Variants in MYCBP2 observed in about 807,000 individuals in gnomAD.
MYCBP2 encodes the protein E3 ubiquitin-protein ligase MYCBP2.
In MYCBP2, 120 loss-of-function variants were observed where a neutral mutation model predicts 525.3. The ratio of observed to expected loss-of-function variants is 0.23; its 90% CI spans 0.20 to 0.27. MYCBP2 has a LOEUF of 0.27. Ranked by LOEUF, MYCBP2 falls within the 10% of genes least tolerant of loss-of-function variation. The pLI is 1.00. For missense variants in MYCBP2, 4,149 were observed against 5,657.1 expected (o/e 0.73, Z 8.55); for synonymous variants, 1,894 against 1,955.8 (o/e 0.97, Z 0.83).
At chr13:77,129,288 T>A (rs2052295852) in intron 52 of MYCBP2, 1 of 396,270 alleles carries the variant, frequency 2.5e-6, no homozygotes, top group Non-Finnish European at 4.5e-6. Flanking sequence ...CAGGATATCA[T>A]CTGCAGAAGA....
intron 55 of MYCBP2, among the ~76,000 whole-genome samples, chr13:77,108,500 C>T (rs550532893): frequency 6.6e-6 from 1 of 152,274 alleles, no homozygotes; most frequent in African/African-American, 2.4e-5. Context: ...AAAAATCTTA[C>T]TCCCACAAGT....
rs761785205 is a variant in MYCBP2 at position 77,326,444 on chromosome 13, G to A, written c.302+30C>T. The A allele has an allele frequency of 5.3e-6, 8 of 1,518,914 alleles. No individual in the cohort carries two copies. Among genetic ancestry groups the A allele is most frequent in the Non-Finnish European group, 7.0e-6 (8 of 1,139,078 alleles). The allele number at this position is 1,518,914 out of a possible 1,614,324, so 94.1% of individuals were successfully genotyped here. A position where few individuals can be genotyped will look rare whatever the true frequency, so the allele number is the denominator to read the frequency against. On this transcript the variant is annotated intron_variant, in intron 1 of 82. Transcript: ENST00000544440. The surrounding 1 kb of genome is among the most constrained non-coding windows in gnomAD (Gnocchi z 4.2). ...TGGGGCGCAAGGAAGGGCGGCATGG[G>A]GCGCAAGGAAGGGCACCCTGGGGAC...
chr13:77,255,408 C>A (rs534568368), intron 14 of MYCBP2, among the ~76,000 whole-genome samples: 1 of 151,814 alleles, frequency 6.6e-6, no homozygotes, highest in Non-Finnish European at 1.5e-5. Flanking sequence ...TTGATTATTA[C>A]AAAATGTCAC....
rs779795548 is a variant in MYCBP2 at position 77,098,254 on chromosome 13, A to G, written c.8900T>C (p.Val2967Ala). ...FKSVDEGSNK[V>A]HFSIGKAPLK... ...TGGTGCTTTTCCAATGCTAAAATGAACTTTATTTGAACCTTCATCCACACT... is the reference window on the plus strand; with the variant it reads ...TGGTGCTTTTCCAATGCTAAAATGAGCTTTATTTGAACCTTCATCCACACT... The change falls in exon 56 of 83, where the codon GTT becomes GCT. Residue 2967 changes from valine to alanine, a missense_variant. By Grantham distance (64) the Val-to-Ala change is moderately conservative. Around this residue, in one of 21 missense-constraint regions of MYCBP2, gnomAD observed 653 missense variants for 744.7 expected, o/e 0.88. Transcript: ENST00000544440. The G allele has an allele frequency of 6.2e-7, 1 of 1,612,858 alleles. No individual in the cohort carries two copies. The highest frequency in any genetic ancestry group is 1.3e-5 in the African/African-American group (1 of 74,852).
chr13:77,200,100 C>T (rs201784495), intron 26 of MYCBP2, among the ~76,000 whole-genome samples: 66 of 151,712 alleles, frequency 4.4e-4, no homozygotes, highest in Middle Eastern at 3.2e-3. Flanking sequence ...CTCTGAGCTA[C>T]GGGAGGACAT....
At chr13:77,194,360 A>C in intron 26 of MYCBP2, 116 bp from the exon 27 acceptor site, 1 of 678,090 alleles carries the variant, frequency 1.5e-6, no homozygotes, top group East Asian at 2.6e-5. Flanking sequence ...AATGTAAAAA[A>C]TCAGAGTACC....
chr13:77,186,357 AC>A (rs1371912579), intron 30 of MYCBP2, among the ~76,000 whole-genome samples: 1 of 152,208 alleles, frequency 6.6e-6, no homozygotes, highest in Non-Finnish European at 1.5e-5. Context: ...TGTTCCTGCT[AC>A]CCAGCTATCT....
chr13:77,269,843 T>C (rs1049900720), intron 7 of MYCBP2, 149 bp downstream of exon 7: 1 of 642,348 alleles, frequency 1.6e-6, no homozygotes, highest in Admixed American at 3.0e-5. Flanking sequence ...CAGTGTTCTT[T>C]ACGCTACACT....
In MYCBP2 at chr13:77,243,955, G is replaced by C; in HGVS notation, c.2382-4C>G. 3 of 1,473,710 alleles carry C rather than the reference G, an allele frequency of 2.0e-6. No homozygotes were observed. The highest frequency in any genetic ancestry group is 4.9e-5 in the East Asian group (2 of 41,000). The allele number at this position is 1,473,710 out of a possible 1,614,324, so 91.3% of individuals were successfully genotyped here. A position where few individuals can be genotyped will look rare whatever the true frequency, so the allele number is the denominator to read the frequency against. ...TCCGGAACCACAACCACAGATCCTA[G>C]GGGGAAATACAAAAAAAAAAAAAAA... On this transcript the variant is annotated splice_region_variant and splice_polypyrimidine_tract_variant and intron_variant, in intron 15 of 82. Coordinates refer to ENST00000544440, the MANE Select transcript of MYCBP2 (RefSeq NM_015057.5).
chr13:77,327,052 C>A lies in MYCBP2; in HGVS notation c.-277G>T, dbSNP rs1424656976. On this transcript the variant is annotated 5_prime_UTR_variant, in exon 1 of 83. Coordinates refer to ENST00000544440, the MANE Select transcript of MYCBP2 (RefSeq NM_015057.5). ...GCCGCCACTGCCGCCGCCACCACCG[C>A]TACCACCGCCACCACCGCCGGGGCT... 6 of 438,774 alleles carry A rather than the reference C, an allele frequency of 1.4e-5. No individual in the cohort carries two copies. The highest frequency in any genetic ancestry group is 4.4e-5 in the Admixed American group (1 of 22,868). The allele number at this position is 438,774 out of a possible 1,614,324, so 27.2% of individuals were successfully genotyped here. A position where few individuals can be genotyped will look rare whatever the true frequency, so the allele number is the denominator to read the frequency against.
intron 52 of MYCBP2, among the ~76,000 whole-genome samples, chr13:77,131,882 CCAA>C (rs1251582677): frequency 6.6e-6 from 1 of 151,996 alleles, no homozygotes; most frequent in Non-Finnish European, 1.5e-5. Context: ...AGAAAAGAGA[CCAA>C]CAAGTGAATA....
chr13:77,242,139 G>C (rs1007679685), intron 17 of MYCBP2, among the ~76,000 whole-genome samples: 4 of 152,030 alleles, frequency 2.6e-5, no homozygotes, highest in Middle Eastern at 3.2e-3. Flanking sequence ...TTTTGAGATG[G>C]AGTCTCACTC....
chr13:77,165,276 A>T lies in MYCBP2; in HGVS notation c.6456T>A (p.Asp2152Glu), dbSNP rs376279711. 8 of 1,596,892 alleles carry T rather than the reference A, an allele frequency of 5.0e-6. No individual in the cohort carries two copies. Among genetic ancestry groups the T allele is most frequent in the Non-Finnish European group, 6.0e-6 (7 of 1,167,642 alleles). Residue 2152 changes from aspartate to glutamate, a missense_variant, in exon 42 of 83, where the codon GAT becomes GAA. By Grantham distance (45) the Asp-to-Glu change is conservative (BLOSUM62 2). Around this residue, in one of 21 missense-constraint regions of MYCBP2, gnomAD observed 692 missense variants for 852.7 expected, o/e 0.81. Transcript: ENST00000544440. ...AIGYEFSPGP[D>E]EGVIQLEKEL... is the part of the protein sequence containing the mutation. ...TGAAAAGATAATTCATTCTTACCTC[A>T]TCAGGTCCAGGGCTAAATTCATATC...
chr13:77,270,238 C>A, intron 6 of MYCBP2, 58 bp downstream of exon 6: 1 of 1,535,514 alleles, frequency 6.5e-7, no homozygotes, highest in Non-Finnish European at 8.8e-7. Flanking sequence ...ACACACAGAA[C>A]ACAATTCATT....
chr13:77,249,094 G>A (rs1022572012), intron 15 of MYCBP2, among the ~76,000 whole-genome samples: 5 of 152,182 alleles, frequency 3.3e-5, no homozygotes, highest in Non-Finnish European at 7.4e-5. Flanking sequence ...CAAGAATAGT[G>A]GATGCCAGAG....
chr13:77,250,532 T>C (rs984225404), intron 15 of MYCBP2, among the ~76,000 whole-genome samples: 1 of 152,138 alleles, frequency 6.6e-6, no homozygotes, highest in Admixed American at 6.5e-5. Context: ...ATGTAGAAAA[T>C]AGATTCAAAA....
At chr13:77,057,691 A>G (rs2038398735) in intron 78 of MYCBP2, among the ~76,000 whole-genome samples, 1 of 152,158 alleles carries the variant, frequency 6.6e-6, no homozygotes, top group African/African-American at 2.4e-5. Flanking sequence ...ACAGAGGTTC[A>G]CACAAATCAC....
rs1284812544 is a variant in MYCBP2 at position 77,136,782 on chromosome 13, C to T, written c.7659+2414G>A. Among the ~76,000 whole-genome samples the T allele has an allele frequency of 2.0e-5, 3 of 152,132 alleles. No homozygotes were observed. The East Asian group carries it at 5.8e-4, about 29-fold the overall frequency. ...CTTGTAGTCTCCCTCAACCTCTTCC[C>T]TTCGTCCCTCCCTCCTCTAAAACAT... is the stretch of plus-strand genomic sequence containing the variant. On this transcript the variant is annotated intron_variant, in intron 52 of 82. Transcript: ENST00000544440.
intron 54 of MYCBP2, among the ~76,000 whole-genome samples, chr13:77,124,419 T>G (rs755111392): frequency 1.2e-4 from 19 of 152,208 alleles, no homozygotes; most frequent in Admixed American, 2.6e-4. Context: ...TAAAGATGCA[T>G]GTTCTCTTAT....
Sources: allele counts gnomAD v4.1 joint callset (sites outside exome capture counted in the v4.1 genomes callset), GRCh38; gene constraint gnomAD v4.1.1; regional missense constraint gnomAD v4.1.1; non-coding constraint Gnocchi (gnomAD v3.1); transcripts MANE v1.5; gene names NCBI Gene and HGNC (gene_info 2026-07-23, HGNC 2026-07-21).